CAMKMT: variants seen among roughly 807,000 people sequenced by gnomAD.
CAMKMT encodes the protein CaM KMT.
In CAMKMT, 53 loss-of-function variants were observed where a neutral mutation model predicts 48.0. That is an observed-to-expected ratio of 1.10 (90% CI 0.89 to 1.39). The LOEUF (loss-of-function observed/expected upper bound fraction) is 1.39. Ranked by LOEUF, CAMKMT falls within the 40% of genes most tolerant of loss-of-function variation. The probability of loss-of-function intolerance (pLI) is 0.00; values close to 1 mark genes in which losing one functional copy is unlikely to be tolerated. For missense variants in CAMKMT, 428 were observed against 402.7 expected (o/e 1.06, Z -0.54); for synonymous variants, 165 against 152.3 (o/e 1.08, Z -0.61).
chr2:44,637,108 C>T (rs1056246011), intron 3 of CAMKMT, among the ~76,000 whole-genome samples: 1 of 152,166 alleles, frequency 6.6e-6, no homozygotes, highest in South Asian at 2.1e-4. Flanking sequence ...TCGCTAAAAC[C>T]AAAATGGGCC....
At chr2:44,639,451 A>G (rs765171585) in intron 3 of CAMKMT, among the ~76,000 whole-genome samples, 1 of 152,212 alleles carries the variant, frequency 6.6e-6, no homozygotes, top group African/African-American at 2.4e-5. Flanking sequence ...ACTTTCTAGT[A>G]AATTTGGGCA....
chr2:44,408,849 C>T (rs1387578459), intron 3 of CAMKMT, among the ~76,000 whole-genome samples: 3 of 151,736 alleles, frequency 2.0e-5, no homozygotes, highest in Non-Finnish European at 4.4e-5. Flanking sequence ...CCAAGCAATT[C>T]TCCCACCCCA....
chr2:44,598,094 A>G (rs756355379), intron 3 of CAMKMT, among the ~76,000 whole-genome samples: 19 of 152,126 alleles, frequency 1.2e-4, no homozygotes, highest in Admixed American at 3.3e-4. Context: ...AATAATGATT[A>G]TAATTTTTCA....
intron 3 of CAMKMT, among the ~76,000 whole-genome samples, chr2:44,694,626 T>A (rs1676839813): frequency 6.6e-6 from 1 of 152,224 alleles, no homozygotes; most frequent in South Asian, 2.1e-4. Flanking sequence ...ACAAAGTGGT[T>A]GCTTATATTA....
At chr2:44,467,912 G>A (rs919641581) in intron 3 of CAMKMT, among the ~76,000 whole-genome samples, 1 of 152,142 alleles carries the variant, frequency 6.6e-6, no homozygotes, top group Non-Finnish European at 1.5e-5. Context: ...CCAGAAGAAA[G>A]TATGGGAGAA....
In CAMKMT at chr2:44,772,464, ATTT is replaced by A. The variant is rs199836049; in HGVS notation, c.*365_*367del. ...TTTTGATGATACCCATCCCTCCTTC[ATTT>A]TTTTTTTTTTTTTGGTCTTTGTTCT... On this transcript the variant is annotated 3_prime_UTR_variant, in exon 11 of 11. Coordinates refer to ENST00000378494, the MANE Select transcript of CAMKMT (RefSeq NM_024766.5). 86 of 122,946 alleles carry A rather than the reference ATTT, an allele frequency of 7.0e-4. No individual in the cohort carries two copies. The highest frequency in any genetic ancestry group is 4.1e-3 in the Middle Eastern group (1 of 242). The allele number at this position is 122,946 out of a possible 1,614,324, so 7.6% of individuals were successfully genotyped here.
intron 3 of CAMKMT, among the ~76,000 whole-genome samples, chr2:44,391,567 G>A (rs1021890845): frequency 1.2e-4 from 18 of 152,070 alleles, no homozygotes; most frequent in African/African-American, 4.1e-4. Context: ...AAATATCATT[G>A]AGTCAGGCTT....
intron 7 of CAMKMT, among the ~76,000 whole-genome samples, chr2:44,740,124 A>AT (rs753300790): frequency 0.16 from 19,350 of 120,106 alleles, 1,763 homozygotes; most frequent in South Asian, 0.3. Flanking sequence ...TGATTGCTGC[A>AT]TTTTTTTTTT....
chr2:44,751,202 A>T (rs1001877487), intron 8 of CAMKMT, among the ~76,000 whole-genome samples: 6 of 152,148 alleles, frequency 3.9e-5, no homozygotes, highest in Non-Finnish European at 5.9e-5. Context: ...GGCTTTCTCG[A>T]CCAACCCCGC....
chr2:44,530,785 T>C (rs1365388500), intron 3 of CAMKMT, among the ~76,000 whole-genome samples: 3 of 152,146 alleles, frequency 2.0e-5, no homozygotes, highest in African/African-American at 2.4e-5. Context: ...TTATTAACGT[T>C]CTGATTTTTA....
intron 3 of CAMKMT, among the ~76,000 whole-genome samples, chr2:44,430,924 T>G (rs940132262): frequency 6.6e-6 from 1 of 152,222 alleles, no homozygotes; most frequent in Admixed American, 6.5e-5. Flanking sequence ...CTATAAGAGC[T>G]ATCAACACTG....
intron 3 of CAMKMT, among the ~76,000 whole-genome samples, chr2:44,669,728 C>T (rs957958534): frequency 6.6e-6 from 1 of 152,100 alleles, no homozygotes; most frequent in Non-Finnish European, 1.5e-5. Context: ...GCCTCAGCCT[C>T]CTGGGCTTAG....
chr2:44,738,339 G>A (rs1679477049), intron 7 of CAMKMT, among the ~76,000 whole-genome samples: 1 of 152,214 alleles, frequency 6.6e-6, no homozygotes, highest in African/African-American at 2.4e-5. Context: ...TGTTTTATAT[G>A]TTTTGTGTAG....
intron 3 of CAMKMT, among the ~76,000 whole-genome samples, chr2:44,572,293 C>G (rs1017350130): frequency 1.3e-5 from 2 of 152,184 alleles, no homozygotes; most frequent in Non-Finnish European, 2.9e-5. Context: ...GCAATCTTCC[C>G]ATCATGGCCT....
At chr2:44,737,372 C>T (rs1054727420) in intron 7 of CAMKMT, among the ~76,000 whole-genome samples, 11 of 152,060 alleles carry the variant, frequency 7.2e-5, no homozygotes, top group Non-Finnish European at 1.2e-4. Context: ...CCACCTTGAC[C>T]GCCCAAAGTG....
At chr2:44,753,412 A>C (rs1375182698) in intron 8 of CAMKMT, among the ~76,000 whole-genome samples, 1 of 151,898 alleles carries the variant, frequency 6.6e-6, no homozygotes, top group Non-Finnish European at 1.5e-5. Context: ...AAACAAAAAA[A>C]AAAAAAGAAA....
intron 3 of CAMKMT, among the ~76,000 whole-genome samples, chr2:44,526,732 G>C (rs1666130504): frequency 6.6e-6 from 1 of 152,084 alleles, no homozygotes; most frequent in Non-Finnish European, 1.5e-5. Flanking sequence ...ACAGTCTACT[G>C]ATTCAAATGC....
At chr2:44,563,994 A>T (rs895680420) in intron 3 of CAMKMT, among the ~76,000 whole-genome samples, 7 of 152,262 alleles carry the variant, frequency 4.6e-5, no homozygotes, top group Admixed American at 4.6e-4. Flanking sequence ...TATACCCAGT[A>T]ATGGGATGGC....
intron 3 of CAMKMT, among the ~76,000 whole-genome samples, chr2:44,595,549 T>G (rs761186147): frequency 1.3e-5 from 2 of 152,196 alleles, no homozygotes; most frequent in Non-Finnish European, 2.9e-5. Flanking sequence ...AGAATCAATA[T>G]TGTGAAAATG....
Sources: allele counts gnomAD v4.1 joint callset (sites outside exome capture counted in the v4.1 genomes callset), GRCh38; gene constraint gnomAD v4.1.1; transcripts MANE v1.5; gene names NCBI Gene and HGNC (gene_info 2026-07-23, HGNC 2026-07-21).